The following TLE3 variants were observed in gnomAD, a reference collection of about 807,000 sequenced individuals.
TLE3 encodes TLE family member 3, transcriptional corepressor, also known as transducin-like enhancer protein 3.
TLE3 carries 14 observed loss-of-function variants against 93.0 expected under a neutral mutation model. That is an observed-to-expected ratio of 0.15 (90% CI 0.10 to 0.24). The LOEUF is 0.24. Among genes scored for constraint, TLE3 ranks in the 10% least tolerant of loss-of-function variants. The pLI is 1.00. For synonymous variants in TLE3, 451 were observed against 425.0 expected (o/e 1.06, Z -0.75); for missense variants, 693 against 1,046.6 (o/e 0.66, Z 4.66).
chr15:70,080,652 T>C (rs904867575), intron 4 of TLE3, among the ~76,000 whole-genome samples: 1 of 152,178 alleles, frequency 6.6e-6, no homozygotes, highest in Non-Finnish European at 1.5e-5. Context: ...TAGCTCCCAT[T>C]TGCATGATCA....
chr15:70,093,891 C>CA (rs2058425623), intron 4 of TLE3, among the ~76,000 whole-genome samples: 1 of 152,218 alleles, frequency 6.6e-6, no homozygotes, highest in South Asian at 2.1e-4. Context: ...TGCCCCTGGG[C>CA]AAGTTACTTC....
In TLE3 at chr15:70,097,240, C is replaced by G; in HGVS notation, c.-442G>C. 1 of 400,120 alleles carries G rather than the reference C, an allele frequency of 2.5e-6. No homozygotes were observed. The allele number at this position is 400,120 out of a possible 1,614,324, so 24.8% of individuals were successfully genotyped here. A position where few individuals can be genotyped will look rare whatever the true frequency, so the allele number is the denominator to read the frequency against. ...TCAGCGGGTCGCGCCTGTAGGGGGG[C>G]GCGCCGGGGCAGCCCCAAGCATCCG... On this transcript the variant is annotated 5_prime_UTR_variant, in exon 1 of 20. Coordinates refer to ENST00000451782, the MANE Select transcript of TLE3 (RefSeq NM_001105192.3).
Position 70,054,639 on chromosome 15 carries a change from C to A in TLE3, c.1625G>T (p.Arg542Leu), listed in dbSNP as rs771819808. 6.2e-7 allele frequency: 1 copy of A among 1,608,256 alleles called. No homozygotes were observed. Among genetic ancestry groups the A allele is most frequent in the Non-Finnish European group, 8.5e-7 (1 of 1,176,174 alleles). Residue 542 changes from arginine (R) to leucine (L), a missense_variant, in exon 16 of 20, where the codon CGC becomes CTC. Transcript: ENST00000451782. The part of the protein sequence containing the change: ...IRSCKLLPDG[R>L]TLIVGGEAST... The stretch of plus-strand genomic sequence containing the variant: ...GGCCTCGCCGCCCACGATGAGCGTG[C>A]GCCCATCAGGGAGCAGCTTGCAGGA...
In TLE3 at chr15:70,096,834, C is replaced by A; in HGVS notation, c.-36G>T. 2 of 1,603,834 alleles carry A rather than the reference C, an allele frequency of 1.2e-6. No individual in the cohort carries two copies. Among genetic ancestry groups the A allele is most frequent in the Non-Finnish European group, 1.7e-6 (2 of 1,176,668 alleles). The stretch of plus-strand genomic sequence containing the variant: ...GGTCGTGATTCCGAGAGCGTGGAAG[C>A]GCCGAGAGCCCGGGCCGGGGAGGTG... On this transcript the variant is annotated 5_prime_UTR_variant, in exon 1 of 20. Transcript: ENST00000451782.
At chr15:70,094,023 A>G (rs139215499) in intron 4 of TLE3, among the ~76,000 whole-genome samples, 2 of 152,160 alleles carry the variant, frequency 1.3e-5, no homozygotes, top group Non-Finnish European at 2.9e-5. Flanking sequence ...TTCTGGCTTC[A>G]TATTTTTAAG....
chr15:70,069,658 AG>A (rs150226841), intron 6 of TLE3, among the ~76,000 whole-genome samples: 1,589 of 152,362 alleles, frequency 0.01, 29 homozygotes, highest in African/African-American at 0.037. Flanking sequence ...TCTGGGAAGC[AG>A]GGACAGGAGA....
At chr15:70,069,122 G>T (rs573605130) in intron 6 of TLE3, among the ~76,000 whole-genome samples, 1 of 152,208 alleles carries the variant, frequency 6.6e-6, no homozygotes, top group African/African-American at 2.4e-5. Flanking sequence ...CAGAGACTGT[G>T]TCTTCTCCAT....
Position 70,054,697 on chromosome 15 carries a change from AGGG to A in TLE3, c.1579-15_1579-13del. The A allele has an allele frequency of 6.4e-7, 1 of 1,572,992 alleles. No individual in the cohort carries two copies. Among genetic ancestry groups the A allele is most frequent in the Non-Finnish European group, 8.7e-7 (1 of 1,155,826 alleles). ...TAATTGTCCCTGTTCTGGAGGGAGA[AGGG>A]GCAGGGCTGAGTGCTGCCTACTTCC... On this transcript the variant is annotated splice_polypyrimidine_tract_variant and intron_variant, in intron 15 of 19. Coordinates refer to ENST00000451782, the MANE Select transcript of TLE3 (RefSeq NM_001105192.3).
chr15:70,095,689 C>T, intron 2 of TLE3, 48 bp from the exon 3 acceptor site: 16 of 1,546,264 alleles, frequency 1.0e-5, no homozygotes, highest in Admixed American at 2.0e-5. Context: ...TGGACAGCCT[C>T]CTCTGAGGCC....
chr15:70,057,884 G>A (rs561500114), intron 12 of TLE3: 23 of 716,410 alleles, frequency 3.2e-5, no homozygotes, highest in Non-Finnish European at 5.2e-5. Context: ...AGGCCCAAAT[G>A]GGCTTGCTTA....
intron 8 of TLE3, among the ~76,000 whole-genome samples, chr15:70,062,087 C>T (rs1319188212): frequency 1.3e-5 from 2 of 152,206 alleles, no homozygotes; most frequent in Admixed American, 6.5e-5. Context: ...TTTCCTAAGC[C>T]GGGTTCTGGG....
At position 70,097,462 on chromosome 15, in the gene TLE3, C is replaced by T; in HGVS notation, c.-664G>A. On this transcript the variant is annotated 5_prime_UTR_variant, in exon 1 of 20. Transcript: ENST00000451782. ...CGTCTGCTACTGCCGCTGCCGCCGC[C>T]GCCGCCGCCGCTGCAAGCCCTTCCC... 2.4e-6 allele frequency: 1 copy of T among 417,426 alleles called. No homozygotes were observed. The highest frequency in any genetic ancestry group is 4.2e-6 in the Non-Finnish European group (1 of 238,348). 25.9% of individuals were successfully genotyped at this position (417,426 alleles called of 1,614,324 possible).
At chr15:70,060,836 C>T (rs1004019153) in intron 8 of TLE3, 187 bp from the exon 9 acceptor site, 4 of 917,822 alleles carry the variant, frequency 4.4e-6, no homozygotes, top group Non-Finnish European at 6.7e-6. Flanking sequence ...TCCCCTGAGA[C>T]TGAGTCCCCG....
At chr15:70,096,324 C>T in intron 1 of TLE3, 63 bp from the exon 2 acceptor site, 1 of 1,534,710 alleles carries the variant, frequency 6.5e-7, no homozygotes, top group Non-Finnish European at 8.7e-7. Flanking sequence ...TCAGAGCGGC[C>T]CCGGCCCCTC....
At chr15:70,084,447 T>G (rs1051836932) in intron 4 of TLE3, among the ~76,000 whole-genome samples, 1 of 152,250 alleles carries the variant, frequency 6.6e-6, no homozygotes, top group Non-Finnish European at 1.5e-5. Context: ...CTGATCCACA[T>G]GTGGCTGATG....
intron 9 of TLE3, 51 bp downstream of exon 9, chr15:70,060,479 C>T: frequency 1.9e-6 from 3 of 1,608,424 alleles, no homozygotes; most frequent in East Asian, 2.2e-5. Flanking sequence ...GCAGACACCC[C>T]CTGCCCTACC....
chr15:70,052,645 T>C (rs892555906), intron 17 of TLE3, 121 bp from the exon 18 acceptor site: 3 of 1,120,208 alleles, frequency 2.7e-6, no homozygotes, highest in Non-Finnish European at 3.6e-6. Context: ...ACCCACCCAA[T>C]AACCCAGGAG....
Position 70,060,643 on chromosome 15 carries a change from A to G in TLE3, c.601T>C (p.Ser201Pro). Residue 201 changes from serine (S) to proline (P), a missense_variant, in exon 9 of 20, where the codon TCT (serine) becomes CCT (proline). Around this residue, in one of 4 missense-constraint regions of TLE3, gnomAD observed 405 missense variants for 468.9 expected, o/e 0.86. Coordinates refer to ENST00000451782, the MANE Select transcript of TLE3 (RefSeq NM_001105192.3). ...CGGAGGCTTTCCGAGGGTGACACAG[A>G]GTTATTCTGGAAGGAAAAAGAGGGT... ...HRERESSANN[S>P]VSPSESLRAS... is the part of the protein sequence containing the mutation. 1 of 1,613,824 alleles carries G rather than the reference A, an allele frequency of 6.2e-7. No homozygotes were observed. Among genetic ancestry groups the G allele is most frequent in the Non-Finnish European group, 8.5e-7 (1 of 1,179,800 alleles).
Position 70,097,721 on chromosome 15 carries a change from T to C in TLE3, c.-923A>G, listed in dbSNP as rs1188524878. The C allele has an allele frequency of 3.6e-5, 14 of 394,316 alleles. No individual in the cohort carries two copies. Among genetic ancestry groups the C allele is most frequent in the African/African-American group, 2.9e-4 (14 of 47,890 alleles). 24.4% of individuals were successfully genotyped at this position (394,316 alleles called of 1,614,324 possible). On this transcript the variant is annotated 5_prime_UTR_variant, in exon 1 of 20. Coordinates refer to ENST00000451782, the MANE Select transcript of TLE3 (RefSeq NM_001105192.3). Reference sequence around the variant, plus strand: ...CGGGGAGCTCTACGGCTTCCTTCCTTCCCCTCGGCCCGGCTCTCCTCTCCG... The same window carrying C: ...CGGGGAGCTCTACGGCTTCCTTCCTCCCCCTCGGCCCGGCTCTCCTCTCCG...
Sources: gnomAD v4.1 joint callset for allele counts (sites outside exome capture counted in the v4.1 genomes callset) on GRCh38, gnomAD v4.1.1 for gene constraint, gnomAD v4.1.1 regional missense constraint, MANE v1.5 for transcripts, NCBI Gene and HGNC (gene_info 2026-07-23, HGNC 2026-07-21) for gene names.